The following LTBP1 variants were observed in gnomAD, a reference collection of about 807,000 sequenced individuals.
The protein encoded by LTBP1 is latent transforming growth factor beta binding protein 1.
Under a neutral mutation model 207.6 loss-of-function variants are expected in LTBP1, and 129 were observed. The observed-to-expected ratio is 0.62, with a 90% CI of 0.54 to 0.72. LTBP1 has a LOEUF of 0.72. Ranked by LOEUF, LTBP1 falls within the 30% of genes least tolerant of loss-of-function variation. The probability of loss-of-function intolerance (pLI) is 0.00; values close to 1 mark genes in which losing one functional copy is unlikely to be tolerated. For synonymous variants in LTBP1, 963 were observed against 833.7 expected, an observed-to-expected ratio of 1.16 and a Z score of -2.67; for missense variants, 2,281 against 2,217.2, an observed-to-expected ratio of 1.03 and a Z score of -0.58.
intron 12 of LTBP1, among the ~76,000 whole-genome samples, chr2:33,258,637 C>T (rs963057816): frequency 1.3e-5 from 2 of 152,208 alleles, no homozygotes; most frequent in African/African-American, 2.4e-5. Context: ...ATTGTTTGCA[C>T]AGGCAGGAGG....
chr2:33,057,853 G>A (rs1283707292), intron 3 of LTBP1, among the ~76,000 whole-genome samples: 1 of 152,268 alleles, frequency 6.6e-6, no homozygotes, highest in African/African-American at 2.4e-5. Flanking sequence ...TCCGGCCTCG[G>A]CCAGCCCAGA....
intron 3 of LTBP1, among the ~76,000 whole-genome samples, chr2:33,084,189 A>G (rs1203282822): frequency 6.6e-6 from 1 of 152,228 alleles, no homozygotes; most frequent in Non-Finnish European, 1.5e-5. Flanking sequence ...TTCTTGCTGA[A>G]ACTTGATGAG....
chr2:33,365,546 C>G, intron 31 of LTBP1, 43 bp downstream of exon 31: 3 of 1,585,392 alleles, frequency 1.9e-6, no homozygotes, highest in Non-Finnish European at 2.6e-6. Context: ...CCTTTGGGGA[C>G]AAGTTCATCT....
In LTBP1 at chr2:33,268,540, T is replaced by C. The variant is rs554745084; in HGVS notation, c.2618-5116T>C. Among the ~76,000 whole-genome samples, 13 of 152,358 alleles carry C rather than the reference T, an allele frequency of 8.5e-5. No homozygotes were observed. The South Asian group carries it at 2.1e-3, about 24-fold the overall frequency. On this transcript the variant is annotated intron_variant, in intron 15 of 33. Transcript: ENST00000404816. ...ATCTGCAGGAAATACGTGTGATGTT[T>C]TCCACTCTTAACAGCTGACTTGGTG...
chr2:33,211,077 A>G (rs2090272431), intron 7 of LTBP1, among the ~76,000 whole-genome samples: 1 of 152,216 alleles, frequency 6.6e-6, no homozygotes, highest in African/African-American at 2.4e-5. Context: ...CCTTCATAGC[A>G]TAATAAAATG....
At position 33,389,128 on chromosome 2, in the gene LTBP1, T is replaced by G. The variant is rs1423961906; in HGVS notation, c.4712-56T>G. 11 of 1,608,270 alleles carry G rather than the reference T, an allele frequency of 6.8e-6. No individual in the cohort carries two copies. In the East Asian group the frequency reaches 2.2e-4, roughly 33 times the overall value. On this transcript the variant is annotated intron_variant, in intron 31 of 33. Transcript: ENST00000404816. ...CCCGTTGCTCTGAGCTGCGAGGGGG[T>G]GGGGCAGGTGCGAGCTAACAGTGGT...
chr2:33,146,780 T>G (rs575971621), intron 5 of LTBP1, among the ~76,000 whole-genome samples: 1 of 152,288 alleles, frequency 6.6e-6, no homozygotes, highest in African/African-American at 2.4e-5. Flanking sequence ...AACCAGATCT[T>G]GTGAGAACTC....
chr2:33,081,990 C>G (rs1236371981), intron 3 of LTBP1, among the ~76,000 whole-genome samples: 1 of 152,070 alleles, frequency 6.6e-6, no homozygotes, highest in Admixed American at 6.5e-5. Context: ...AACTTTTTTT[C>G]TTTTATAAAT....
At chr2:32,961,664 G>A (rs762488097) in intron 2 of LTBP1, among the ~76,000 whole-genome samples, 1 of 152,140 alleles carries the variant, frequency 6.6e-6, no homozygotes, top group Non-Finnish European at 1.5e-5. Context: ...TCACAAAAGG[G>A]GCCGGGTGTG....
chr2:33,386,554 G>T (rs1490763347), intron 31 of LTBP1, among the ~76,000 whole-genome samples: 1 of 152,198 alleles, frequency 6.6e-6, no homozygotes, highest in African/African-American at 2.4e-5. Flanking sequence ...GCCAAGCACG[G>T]CAGCTCGCAC....
chr2:33,044,955 G>A (rs539049848), intron 3 of LTBP1, among the ~76,000 whole-genome samples: 7 of 152,054 alleles, frequency 4.6e-5, no homozygotes, highest in African/African-American at 1.7e-4. Flanking sequence ...TTTTGATGGG[G>A]TTGTTTGGTT....
Position 33,262,804 on chromosome 2 carries a change from T to G in LTBP1, c.2501T>G (p.Leu834Arg), listed in dbSNP as rs2093056075. 1 of 1,607,220 alleles carries G rather than the reference T, an allele frequency of 6.2e-7. No homozygotes were observed. Among genetic ancestry groups the G allele is most frequent in the Admixed American group, 1.7e-5 (1 of 59,596 alleles). Residue 834 changes from leucine (L) to arginine (R), a missense_variant, in exon 14 of 34, where the codon CTG becomes CGG. Coordinates refer to ENST00000404816, the MANE Select transcript of LTBP1 (RefSeq NM_206943.4). ...QLSPGISTIH[L>R]HPQFPVVIEK... ...TCTCCAGGCATTTCCACTATTCATC[T>G]GCATCCACAGTTTCCAGGTAGCCTG...
intron 3 of LTBP1, among the ~76,000 whole-genome samples, chr2:33,048,738 A>G (rs375385309): frequency 3.2e-4 from 49 of 152,310 alleles, no homozygotes; most frequent in African/African-American, 1.1e-3. Context: ...AGAGAGGATT[A>G]TCTCTACCTG....
chr2:33,380,382 G>C (rs1420131095), intron 31 of LTBP1, among the ~76,000 whole-genome samples: 1 of 149,228 alleles, frequency 6.7e-6, no homozygotes, highest in African/African-American at 2.5e-5. Flanking sequence ...TTTGAGACCA[G>C]CCTGGCCAAC....
intron 15 of LTBP1, among the ~76,000 whole-genome samples, chr2:33,265,211 A>G (rs2148116302): frequency 6.6e-6 from 1 of 152,374 alleles, no homozygotes; most frequent in Middle Eastern, 3.4e-3. Flanking sequence ...GTGATCAGCT[A>G]TCTGGACATC....
At chr2:33,200,198 A>G (rs2149065988) in intron 7 of LTBP1, among the ~76,000 whole-genome samples, 1 of 152,330 alleles carries the variant, frequency 6.6e-6, no homozygotes, top group East Asian at 1.9e-4. Context: ...ACAAAGCTGG[A>G]GGCATCACGC....
At chr2:33,188,447 ATTTTGATGGCTATGC>A in intron 6 of LTBP1, 115 bp from the exon 7 acceptor site, 1 of 668,150 alleles carries the variant, frequency 1.5e-6, no homozygotes, top group Non-Finnish European at 2.5e-6. Context: ...AAAAAAAAGA[ATTTTGATGGCTATGC>A]AGCAAAATGC....
chr2:33,038,742 T>C (rs915938789), intron 3 of LTBP1, among the ~76,000 whole-genome samples: 1 of 152,224 alleles, frequency 6.6e-6, no homozygotes, highest in Non-Finnish European at 1.5e-5. Context: ...AAGGAACCCA[T>C]AGCACTGTTG....
Position 33,280,190 on chromosome 2 carries a change from G to C in LTBP1, c.3112+32G>C, listed in dbSNP as rs764694145. 12 of 1,583,856 alleles carry C rather than the reference G, an allele frequency of 7.6e-6. No homozygotes were observed. The Admixed American group carries it at 2.2e-4, about 29-fold the overall frequency. ...ACTATAGTGTACTTATCAAAGATTT[G>C]TTTCTTCTGCATGGCCCATTTTCTG... On this transcript the variant is annotated intron_variant, in intron 19 of 33. Transcript: ENST00000404816.
Sources: allele counts gnomAD v4.1 joint callset (sites outside exome capture counted in the v4.1 genomes callset), GRCh38; gene constraint gnomAD v4.1.1; transcripts MANE v1.5; gene names NCBI Gene and HGNC (gene_info 2026-07-23, HGNC 2026-07-21).